BPIFC: variants seen among roughly 807,000 people sequenced by gnomAD.
BPIFC encodes the protein BPI fold-containing family C protein.
Under a neutral mutation model 57.6 loss-of-function variants are expected in BPIFC, and 60 were observed. That is an observed-to-expected ratio of 1.04 (90% CI 0.85 to 1.29). BPIFC has a LOEUF of 1.29. Among genes scored for constraint, BPIFC ranks in the 50% most tolerant of loss-of-function variants. BPIFC has a pLI of 0.00. For missense variants in BPIFC, 581 were observed against 600.5 expected (o/e 0.97, Z 0.34); for synonymous variants, 243 against 224.5 (o/e 1.08, Z -0.74).
chr22:32,437,893 A>G, intron 8 of BPIFC, 42 bp from the exon 9 acceptor site: 1 of 1,190,704 alleles, frequency 8.4e-7, no homozygotes, highest in Admixed American at 1.8e-5. Flanking sequence ...ATATTCATTA[A>G]AGGCATAGTA....
chr22:32,443,622 T>TG (rs2145947069), intron 7 of BPIFC, among the ~76,000 whole-genome samples: 1 of 152,370 alleles, frequency 6.6e-6, no homozygotes, highest in South Asian at 2.1e-4. Flanking sequence ...TCAGCACTGA[T>TG]GTGCCTCTTG....
chr22:32,455,313 C>T (rs555339707), intron 3 of BPIFC, among the ~76,000 whole-genome samples: 10 of 152,054 alleles, frequency 6.6e-5, no homozygotes, highest in African/African-American at 2.4e-4. Context: ...CCTCCCAAAG[C>T]GTTGGGATTA....
chr22:32,444,594 T>G (rs1488755747), intron 7 of BPIFC, among the ~76,000 whole-genome samples: 1 of 152,192 alleles, frequency 6.6e-6, no homozygotes, highest in Non-Finnish European at 1.5e-5. Context: ...CATAGACAAT[T>G]CCATCTTTCC....
At chr22:32,437,302 G>T (rs1934434091) in intron 9 of BPIFC, among the ~76,000 whole-genome samples, 1 of 152,164 alleles carries the variant, frequency 6.6e-6, no homozygotes, top group Non-Finnish European at 1.5e-5. Context: ...TGAGGCAGTT[G>T]CTTGAAAGAA....
chr22:32,424,663 T>TCC (rs1569448014), intron 13 of BPIFC, among the ~76,000 whole-genome samples: 3 of 67,376 alleles, frequency 4.5e-5, no homozygotes, highest in African/African-American at 3.0e-4. Flanking sequence ...CTTCTTCTTC[T>TCC]TCTTCTTCTT....
At chr22:32,462,590 T>C (rs1250155431) in intron 1 of BPIFC, among the ~76,000 whole-genome samples, 2 of 152,236 alleles carry the variant, frequency 1.3e-5, no homozygotes, top group Non-Finnish European at 2.9e-5. Context: ...TTGAAGTGGA[T>C]GTTCTTATTA....
intron 4 of BPIFC, among the ~76,000 whole-genome samples, chr22:32,447,858 T>C (rs8142818): frequency 0.49 from 75,060 of 151,738 alleles, 19,057 homozygotes; most frequent in Middle Eastern, 0.54. Flanking sequence ...AGCCTCCTGT[T>C]TCAGCCTCCC....
intron 2 of BPIFC, 76 bp downstream of exon 2, chr22:32,461,498 G>A (rs1935159361): frequency 6.6e-6 from 5 of 756,532 alleles, no homozygotes; most frequent in Non-Finnish European, 8.1e-6. Flanking sequence ...TGGGATAAGG[G>A]GGTGTAAAGC....
intron 13 of BPIFC, among the ~76,000 whole-genome samples, chr22:32,424,671 CTT>C (rs1569448034): frequency 1.3e-4 from 12 of 90,038 alleles, no homozygotes; most frequent in African/African-American, 4.7e-4. Flanking sequence ...TCTTCTTCTT[CTT>C]CTTCTTCTTC....
At chr22:32,437,996 C>T in intron 8 of BPIFC, 145 bp from the exon 9 acceptor site, 1 of 545,928 alleles carries the variant, frequency 1.8e-6, no homozygotes, top group South Asian at 2.8e-5. Context: ...TACATGTTAT[C>T]TTTTGAAAAC....
intron 13 of BPIFC, 118 bp from the exon 14 acceptor site, chr22:32,419,522 G>C (rs1235043356): frequency 5.8e-6 from 6 of 1,029,434 alleles, no homozygotes; most frequent in Non-Finnish European, 7.2e-6. Context: ...AAACACACAA[G>C]GCTGGGCATG....
chr22:32,451,703 A>G (rs1421986822), intron 4 of BPIFC, among the ~76,000 whole-genome samples: 1 of 152,028 alleles, frequency 6.6e-6, no homozygotes, highest in Non-Finnish European at 1.5e-5. Context: ...TAATAAATAT[A>G]TATATAAATA....
intron 11 of BPIFC, 69 bp from the exon 12 acceptor site, chr22:32,432,612 G>A (rs1018932601): frequency 8.0e-6 from 12 of 1,496,202 alleles, no homozygotes; most frequent in East Asian, 4.5e-5. Context: ...CACAAGGTTA[G>A]GATGGCCTGT....
chr22:32,425,507 G>A lies in BPIFC; in HGVS notation c.1217+5840C>T, dbSNP rs563293088. 8.5e-5 allele frequency among the ~76,000 whole-genome samples: 13 copies of A among 152,312 alleles called. No individual in the cohort carries two copies. In the South Asian group the frequency reaches 2.5e-3, roughly 29 times the overall value. ...AGTGTATTCTGAATCAGGGGACTCT[G>A]GAAATGATCTTGTACGATTGAGCAC... On this transcript the variant is annotated intron_variant, in intron 13 of 16. Coordinates refer to ENST00000300399, the MANE Select transcript of BPIFC (RefSeq NM_174932.3).
chr22:32,439,537 A>G, intron 8 of BPIFC, among the ~76,000 whole-genome samples: 1 of 152,226 alleles, frequency 6.6e-6, no homozygotes, highest in Admixed American at 6.5e-5. Flanking sequence ...GATGGAGATG[A>G]AAAGCAAGAA....
At position 32,430,646 on chromosome 22, in the gene BPIFC, T is replaced by G. The variant is rs375382632; in HGVS notation, c.1217+701A>C. On this transcript the variant is annotated intron_variant, in intron 13 of 16. Transcript: ENST00000300399. ...TATAATATAAAATATGTGAGAGAGA[T>G]ATATTTTTTTGAGAGACAAGGTCTC... is the stretch of plus-strand genomic sequence containing the variant. Among the ~76,000 whole-genome samples the G allele has an allele frequency of 6.0e-5, 9 of 150,690 alleles. No homozygotes were observed. In the East Asian group the frequency reaches 7.7e-4, roughly 13 times the overall value.
intron 9 of BPIFC, among the ~76,000 whole-genome samples, chr22:32,436,225 T>C (rs1034795953): frequency 5.3e-5 from 8 of 151,852 alleles, no homozygotes; most frequent in African/African-American, 1.9e-4. Context: ...ACCAGGGAGG[T>C]TGAAGCTGCA....
Position 32,457,298 on chromosome 22 carries a change from A to G in BPIFC, c.89T>C (p.Ile30Thr), listed in dbSNP as rs1303869949. ...TGCCCTCTGAGTAATCCTTGCCTTG[A>G]TTCCAGGGTAAATGGTCTGAGAGGA... ...VSSSQTIYPG[I>T]KARITQRALD... Residue 30 changes from isoleucine to threonine, a missense_variant, in exon 3 of 17, where the codon ATC becomes ACC. By Grantham distance (89) the Ile-to-Thr change is moderately conservative (BLOSUM62 -1). Coordinates refer to ENST00000300399, the MANE Select transcript of BPIFC (RefSeq NM_174932.3). 1 of 1,607,570 alleles carries G rather than the reference A, an allele frequency of 6.2e-7. No individual in the cohort carries two copies. The highest frequency in any genetic ancestry group is 1.1e-5 in the South Asian group (1 of 90,112).
intron 1 of BPIFC, among the ~76,000 whole-genome samples, chr22:32,462,373 T>A (rs1040567273): frequency 4.6e-5 from 7 of 151,982 alleles, no homozygotes; most frequent in African/African-American, 1.7e-4. Context: ...ATCAACTGAC[T>A]GACTTAAAAG....
Sources: gnomAD v4.1 joint callset for allele counts (sites outside exome capture counted in the v4.1 genomes callset) on GRCh38, gnomAD v4.1.1 for gene constraint, MANE v1.5 for transcripts, NCBI Gene and HGNC (gene_info 2026-07-23, HGNC 2026-07-21) for gene names.